Variants in RORA observed in about 807,000 individuals in gnomAD.
RORA encodes RAR related orphan receptor A, also known as nuclear receptor ROR-alpha.
Under a neutral mutation model 69.5 loss-of-function variants are expected in RORA, and 7 were observed. The ratio of observed to expected loss-of-function variants is 0.10; its 90% CI spans 0.06 to 0.19. The LOEUF (loss-of-function observed/expected upper bound fraction) is 0.19, where lower values mean the gene tolerates loss of function less well. Ranked by LOEUF, RORA falls within the 10% of genes least tolerant of loss-of-function variation. The pLI, the probability that RORA is intolerant of heterozygous loss-of-function variation, is 1.00. For synonymous variants in RORA, 261 were observed against 240.8 expected (o/e 1.08, Z -0.78); for missense variants, 457 against 663.0 (o/e 0.69, Z 3.41).
intron 1 of RORA, among the ~76,000 whole-genome samples, chr15:60,685,470 C>T (rs2070728783): frequency 6.6e-6 from 1 of 152,114 alleles, no homozygotes; most frequent in African/African-American, 2.4e-5. Context: ...GCCTTATGTC[C>T]CCCTCCTCCT....
chr15:60,981,251 A>C (rs1894037132), intron 1 of RORA, among the ~76,000 whole-genome samples: 2 of 151,772 alleles, frequency 1.3e-5, no homozygotes, highest in Admixed American at 6.6e-5. Context: ...TTCGTCTTTG[A>C]TTTTCAACAG....
intron 1 of RORA, among the ~76,000 whole-genome samples, chr15:60,945,061 T>A (rs1457182134): frequency 1.3e-5 from 2 of 152,208 alleles, no homozygotes; most frequent in Non-Finnish European, 1.5e-5. Flanking sequence ...AGGAGCTGAT[T>A]GGCTTAAGAG....
At chr15:60,851,739 TGTGTATGAGTGAGTGGGTGG>T (rs879917827) in intron 1 of RORA, among the ~76,000 whole-genome samples, 79 of 151,962 alleles carry the variant, frequency 5.2e-4, no homozygotes, top group Non-Finnish European at 9.0e-4. Context: ...AGAGTGTGTG[TGTGTATGAGTGAGTGGGTGG>T]GTGAGAGAGA....
intron 1 of RORA, among the ~76,000 whole-genome samples, chr15:60,759,604 C>T (rs1043969317): frequency 9.2e-5 from 14 of 152,130 alleles, no homozygotes; most frequent in African/African-American, 2.4e-4. Flanking sequence ...AAAGACTGGC[C>T]GTCTCAGATT....
chr15:60,492,928 T>TA lies in RORA; in HGVS notation c.*4526dup, dbSNP rs2065072248. On this transcript the variant is annotated 3_prime_UTR_variant, in exon 11 of 11. Coordinates refer to ENST00000335670, the MANE Select transcript of RORA (RefSeq NM_134261.3). ...GTATTATTATCATTATTATTAATAA[T>TA]AAAAAACACAATTTGTCCCAGTAGT... 6.6e-6 allele frequency: 1 copy of TA among 152,088 alleles called. No homozygotes were observed. The highest frequency in any genetic ancestry group is 1.5e-5 in the Non-Finnish European group (1 of 67,998). The allele number at this position is 152,088 out of a possible 1,614,324, so 9.4% of individuals were successfully genotyped here.
intron 1 of RORA, among the ~76,000 whole-genome samples, chr15:60,911,842 G>C (rs1337646215): frequency 6.7e-6 from 1 of 149,102 alleles, no homozygotes; most frequent in Non-Finnish European, 1.5e-5. Context: ...TGGGATTACA[G>C]ACGTGCACCT....
chr15:60,533,596 G>A (rs916109617), intron 2 of RORA, among the ~76,000 whole-genome samples: 6 of 152,170 alleles, frequency 3.9e-5, no homozygotes, highest in Non-Finnish European at 5.9e-5. Flanking sequence ...TAGAGAAAGC[G>A]AGTTACGCCT....
intron 2 of RORA, among the ~76,000 whole-genome samples, chr15:60,550,780 G>T (rs1479252431): frequency 6.6e-6 from 1 of 152,140 alleles, no homozygotes; most frequent in African/African-American, 2.4e-5. Flanking sequence ...AAAAGCTCAA[G>T]CAATGAATGG....
chr15:61,202,662 C>T (rs1416217595), intron 1 of RORA, among the ~76,000 whole-genome samples: 7 of 152,002 alleles, frequency 4.6e-5, no homozygotes, highest in African/African-American at 9.7e-5. Context: ...TTTAAGAGTA[C>T]CCTTGAAAAA....
chr15:61,168,153 TACATATACATATATATGTAAATCATTAC>T (rs1482905580), intron 1 of RORA, among the ~76,000 whole-genome samples: 1 of 150,452 alleles, frequency 6.6e-6, no homozygotes, highest in Non-Finnish European at 1.5e-5. Context: ...CATATATACA[TACATATACATATATATGTAAATCATTAC>T]ATATATACAC....
intron 1 of RORA, among the ~76,000 whole-genome samples, chr15:60,726,857 A>T (rs1277942780): frequency 1.3e-5 from 2 of 152,228 alleles, no homozygotes; most frequent in Non-Finnish European, 2.9e-5. Context: ...GGAGGAAATT[A>T]AAAAAGGGAA....
At chr15:60,957,590 C>T (rs1893304737) in intron 1 of RORA, among the ~76,000 whole-genome samples, 1 of 152,228 alleles carries the variant, frequency 6.6e-6, no homozygotes, top group Non-Finnish European at 1.5e-5. Flanking sequence ...ACACTTTGCT[C>T]AGTCCCTGAG....
intron 1 of RORA, among the ~76,000 whole-genome samples, chr15:60,899,839 C>A (rs866375673): frequency 6.6e-6 from 1 of 152,212 alleles, no homozygotes; most frequent in Non-Finnish European, 1.5e-5. Context: ...TGTCAGACCA[C>A]AAAGTCAAAC....
At chr15:61,221,416 T>C (rs950583582) in intron 1 of RORA, among the ~76,000 whole-genome samples, 10 of 152,198 alleles carry the variant, frequency 6.6e-5, no homozygotes, top group African/African-American at 2.4e-4. Context: ...CTGTTTATTC[T>C]TGGTAGCATT....
intron 1 of RORA, among the ~76,000 whole-genome samples, chr15:61,205,603 G>T (rs1431607411): frequency 2.0e-5 from 3 of 152,166 alleles, no homozygotes; most frequent in Non-Finnish European, 4.4e-5. Context: ...AGGGCAACAG[G>T]ATACCTAAGG....
Position 60,759,789 on chromosome 15 carries a change from G to A in RORA, c.167-81103C>T, listed in dbSNP as rs560134042. Among the ~76,000 whole-genome samples, 10 of 152,182 alleles carry A rather than the reference G, an allele frequency of 6.6e-5. No homozygotes were observed. The East Asian group carries it at 1.7e-3, about 26-fold the overall frequency. ...CTACTCTTTTCCCAAGTATTATCTTGCCAGTTGGGAAGATATGATGGAATG... is the reference window on the plus strand; with the variant it reads ...CTACTCTTTTCCCAAGTATTATCTTACCAGTTGGGAAGATATGATGGAATG... On this transcript the variant is annotated intron_variant, in intron 1 of 10. Coordinates refer to ENST00000335670, the MANE Select transcript of RORA (RefSeq NM_134261.3).
chr15:60,677,161 G>A, intron 2 of RORA: 1 of 456,018 alleles, frequency 2.2e-6, no homozygotes, highest in South Asian at 1.5e-5. Context: ...CACCTCTAGA[G>A]TGGGTCCCTC....
At chr15:60,512,152 T>G (rs1166741452) in intron 4 of RORA, 2 of 153,576 alleles carry the variant, frequency 1.3e-5, no homozygotes, top group African/African-American at 4.8e-5. Flanking sequence ...GAGGTCTGAA[T>G]GAACTGGATG....
In RORA at chr15:61,066,418, C is replaced by CTTTTTTTTTTTTTTTTTTTTTTT. The variant is rs1168663714; in HGVS notation, c.166+162612_166+162634dup. Among the ~76,000 whole-genome samples, 9 of 80,964 alleles carry CTTTTTTTTTTTTTTTTTTTTTTT rather than the reference C, an allele frequency of 1.1e-4. 2 individuals are homozygous for CTTTTTTTTTTTTTTTTTTTTTTT. The highest frequency in any genetic ancestry group is 3.4e-4 in the Admixed American group (2 of 5,948). 53.1% of individuals were successfully genotyped at this position (80,964 alleles called of 152,430 possible). A position where few individuals can be genotyped will look rare whatever the true frequency, so the allele number is the denominator to read the frequency against. On this transcript the variant is annotated intron_variant, in intron 1 of 10. Coordinates refer to ENST00000335670, the MANE Select transcript of RORA (RefSeq NM_134261.3). ...AATTGTGGGAAGACAGGGCATATTCCTTTTTTTTTTTTTTTTTTTTTTTTT... is the reference window on the plus strand; with the variant it reads ...AATTGTGGGAAGACAGGGCATATTCCTTTTTTTTTTTTTTTTTTTTTTTTTTTTTTTTTTTTTTTTTTTTTTTT...
Sources: gnomAD v4.1 joint callset for allele counts (sites outside exome capture counted in the v4.1 genomes callset) on GRCh38, gnomAD v4.1.1 for gene constraint, MANE v1.5 for transcripts, NCBI Gene and HGNC (gene_info 2026-07-23, HGNC 2026-07-21) for gene names.